The following GAB2 variants were observed in gnomAD, a reference collection of about 807,000 sequenced individuals.
The protein encoded by GAB2 is GRB2-associated-binding protein 2.
A neutral mutation model predicts 65.5 loss-of-function variants in GAB2; 26 were observed. The ratio of observed to expected loss-of-function variants is 0.40; its 90% confidence interval spans 0.29 to 0.55. GAB2 has a LOEUF of 0.55. Among genes scored for constraint, GAB2 ranks in the 20% least tolerant of loss-of-function variants. The probability of loss-of-function intolerance (pLI) is 0.53; values close to 1 mark genes in which losing one functional copy is unlikely to be tolerated. For missense variants in GAB2, 884 were observed against 875.8 expected (o/e 1.01, Z -0.12); for synonymous variants, 321 against 329.6 (o/e 0.97, Z 0.28).
intron 1 of GAB2, among the ~76,000 whole-genome samples, chr11:78,410,416 A>C (rs1181048526): frequency 6.6e-6 from 1 of 152,250 alleles, no homozygotes; most frequent in Admixed American, 6.5e-5. Flanking sequence ...AGGCAGGAGA[A>C]CTGCTGGAAC....
chr11:78,222,566 C>T (rs1200788108), intron 6 of GAB2, among the ~76,000 whole-genome samples: 3 of 148,264 alleles, frequency 2.0e-5, no homozygotes, highest in Non-Finnish European at 3.0e-5. Context: ...AAAATATATA[C>T]TATTTATATA....
At chr11:78,272,197 C>G (rs1388045998) in intron 2 of GAB2, among the ~76,000 whole-genome samples, 1 of 152,098 alleles carries the variant, frequency 6.6e-6, no homozygotes, top group African/African-American at 2.4e-5. Flanking sequence ...GAGTGGGGTG[C>G]TGCTGAAAAG....
intron 1 of GAB2, among the ~76,000 whole-genome samples, chr11:78,381,366 C>T (rs1856695021): frequency 6.6e-6 from 1 of 152,190 alleles, no homozygotes; most frequent in Non-Finnish European, 1.5e-5. Context: ...CTCCAACTAA[C>T]CTGTGGTCAA....
At chr11:78,291,456 ACTCTGT>A (rs1449502410) in intron 1 of GAB2, among the ~76,000 whole-genome samples, 4 of 144,352 alleles carry the variant, frequency 2.8e-5, no homozygotes, top group African/African-American at 7.7e-5. Flanking sequence ...ACAGAGCAAG[ACTCTGT>A]CTCTGTCTCA....
intron 1 of GAB2, among the ~76,000 whole-genome samples, chr11:78,346,674 CATATATATATAT>C (rs71046967): frequency 0.092 from 4,997 of 54,606 alleles, 283 homozygotes; most frequent in Admixed American, 0.13. Flanking sequence ...ACATCCCCTC[CATATATATATAT>C]ATATATATAT....
Position 78,219,217 on chromosome 11 carries a change from TG to T in GAB2, c.*54del. Reference sequence around the variant, plus strand: ...AGAACGGGAGAGGGGAGAGGGGAGATGGGAAGGGCCAGCTCTGGAGATGCTG... The same window carrying T: ...AGAACGGGAGAGGGGAGAGGGGAGATGGAAGGGCCAGCTCTGGAGATGCTG... On this transcript the variant is annotated 3_prime_UTR_variant, in exon 10 of 10. Transcript: ENST00000361507. 6.5e-7 allele frequency: 1 copy of T among 1,543,780 alleles called. No individual in the cohort carries two copies. Among genetic ancestry groups the T allele is most frequent in the Non-Finnish European group, 8.9e-7 (1 of 1,125,608 alleles).
intron 2 of GAB2, among the ~76,000 whole-genome samples, chr11:78,264,591 G>C (rs544373346): frequency 4.6e-5 from 7 of 151,274 alleles, no homozygotes; most frequent in Admixed American, 4.0e-4. Context: ...TTTTTTAGTA[G>C]TGTCGGGGTT....
chr11:78,314,868 G>A lies in GAB2; in HGVS notation c.76-33967C>T, dbSNP rs531495431. Among the ~76,000 whole-genome samples the A allele has an allele frequency of 4.6e-5, 7 of 152,316 alleles. No homozygotes were observed. The East Asian group carries it at 5.8e-4, about 13-fold the overall frequency. ...GCAGAGGTGAAGAGGTGCCACCACC[G>A]TCAAGAGGCCTTGGAGAAAGACCAT... On this transcript the variant is annotated intron_variant, in intron 1 of 9. Transcript: ENST00000361507.
intron 1 of GAB2, among the ~76,000 whole-genome samples, chr11:78,326,236 G>A (rs1855820752): frequency 1.3e-5 from 2 of 152,112 alleles, no homozygotes; most frequent in South Asian, 4.1e-4. Flanking sequence ...TTGTGTGATA[G>A]AAAAAGTGTC....
chr11:78,325,639 T>C (rs1424191896), intron 1 of GAB2, among the ~76,000 whole-genome samples: 1 of 152,240 alleles, frequency 6.6e-6, no homozygotes, highest in East Asian at 1.9e-4. Context: ...CTAAGAACTC[T>C]ATCTGTGTTC....
At chr11:78,259,858 C>T (rs757619387) in intron 2 of GAB2, among the ~76,000 whole-genome samples, 2 of 152,128 alleles carry the variant, frequency 1.3e-5, no homozygotes, top group Admixed American at 6.5e-5. Context: ...ACTCCAAGAG[C>T]CCTTACCCTG....
At chr11:78,223,319 C>T (rs916118638) in intron 6 of GAB2, 93 bp downstream of exon 6, 48 of 1,061,264 alleles carry the variant, frequency 4.5e-5, no homozygotes, top group Non-Finnish European at 5.9e-5. Flanking sequence ...CCAAGTCACA[C>T]CTCTCAAGTC....
chr11:78,379,539 A>G (rs1856671953), intron 1 of GAB2, among the ~76,000 whole-genome samples: 1 of 152,238 alleles, frequency 6.6e-6, no homozygotes. Context: ...GACTGATAAC[A>G]GTGAGCAAAT....
intron 3 of GAB2, among the ~76,000 whole-genome samples, chr11:78,249,523 A>C (rs1038598406): frequency 6.6e-6 from 1 of 152,226 alleles, no homozygotes; most frequent in African/African-American, 2.4e-5. Context: ...AGAGCTGATG[A>C]TGTTAGAAAA....
At chr11:78,225,054 G>A (rs1864582819) in intron 5 of GAB2, 54 bp downstream of exon 5, 7 of 1,084,354 alleles carry the variant, frequency 6.5e-6, no homozygotes, top group Non-Finnish European at 9.9e-6. Context: ...CATAAGGTGT[G>A]ACCTTTTACC....
chr11:78,313,493 A>T (rs1478352363), intron 1 of GAB2, among the ~76,000 whole-genome samples: 1 of 152,206 alleles, frequency 6.6e-6, no homozygotes. Context: ...GGAACAGGAC[A>T]TAGAACTCTG....
chr11:78,305,591 T>C (rs116088085), intron 1 of GAB2, among the ~76,000 whole-genome samples: 1,625 of 152,282 alleles, frequency 0.011, 29 homozygotes, highest in African/African-American at 0.037. Flanking sequence ...GATGAGCACT[T>C]CTGGATATAA....
At chr11:78,246,227 C>G (rs1031301529) in intron 3 of GAB2, among the ~76,000 whole-genome samples, 1 of 151,562 alleles carries the variant, frequency 6.6e-6, no homozygotes, top group Non-Finnish European at 1.5e-5. Flanking sequence ...CCACAGTGTC[C>G]GGTGGCAGAG....
intron 2 of GAB2, among the ~76,000 whole-genome samples, chr11:78,268,989 G>A (rs1865940435): frequency 1.3e-5 from 2 of 152,072 alleles, no homozygotes; most frequent in Admixed American, 6.5e-5. Context: ...AGAGATGGAG[G>A]AGGAAGGCCT....
Sources: gnomAD v4.1 joint callset for allele counts (sites outside exome capture counted in the v4.1 genomes callset) on GRCh38, gnomAD v4.1.1 for gene constraint, MANE v1.5 for transcripts, NCBI Gene and HGNC (gene_info 2026-07-23, HGNC 2026-07-21) for gene names.